The following IGSF10 variants were observed in gnomAD, a reference collection of about 807,000 sequenced individuals.
IGSF10 encodes the protein calvaria mechanical force protein 608.
Under a neutral mutation model 128.2 loss-of-function variants are expected in IGSF10, and 126 were observed. The observed-to-expected ratio is 0.98, with a 90% CI of 0.85 to 1.14. IGSF10 has a LOEUF of 1.14. IGSF10 is among the 50% of genes most tolerant of loss of function. IGSF10 has a pLI of 0.00. For missense variants in IGSF10, 3,295 were observed against 3,149.8 expected (o/e 1.05, Z -1.10); for synonymous variants, 1,185 against 1,146.2 (o/e 1.03, Z -0.68).
chr3:151,577,257 C>T, the IGSF10 span, among the ~76,000 whole-genome samples: 3 of 152,104 alleles, frequency 2.0e-5, no homozygotes, highest in South Asian at 2.1e-4. Context: ...ACAACATCCT[C>T]ATGAAAAAGA....
the IGSF10 span, among the ~76,000 whole-genome samples, chr3:151,573,133 A>G: frequency 6.6e-6 from 1 of 152,130 alleles, no homozygotes; most frequent in Non-Finnish European, 1.5e-5. Context: ...TTTGCTGAGG[A>G]GTGCCTTACT....
intron 7 of IGSF10, among the ~76,000 whole-genome samples, chr3:151,442,277 G>A (rs1156686203): frequency 6.6e-6 from 1 of 151,838 alleles, no homozygotes; most frequent in Non-Finnish European, 1.5e-5. Context: ...GGACTCAGAC[G>A]AGTAAAATAA....
the IGSF10 span, among the ~76,000 whole-genome samples, chr3:151,489,378 G>A: frequency 2.6e-5 from 4 of 152,112 alleles, no homozygotes; most frequent in East Asian, 1.9e-4. Flanking sequence ...GTTTGTAGGA[G>A]TGTAAATTAG....
the IGSF10 span, among the ~76,000 whole-genome samples, chr3:151,533,455 T>G: frequency 2.6e-5 from 4 of 152,010 alleles, no homozygotes; most frequent in Non-Finnish European, 5.9e-5. Context: ...CCAAAACAGA[T>G]ATATAGACCA....
chr3:151,490,031 A>C, the IGSF10 span, among the ~76,000 whole-genome samples: 1 of 152,116 alleles, frequency 6.6e-6, no homozygotes, highest in Non-Finnish European at 1.5e-5. Flanking sequence ...AAATGGCAGT[A>C]ATAAGTCTTT....
At chr3:151,539,822 T>TCATCTAA in the IGSF10 span, among the ~76,000 whole-genome samples, 3 of 150,186 alleles carry the variant, frequency 2.0e-5, no homozygotes, top group South Asian at 6.3e-4. Flanking sequence ...CTATCATCTA[T>TCATCTAA]CTGTATCTAT....
the IGSF10 span, among the ~76,000 whole-genome samples, chr3:151,480,550 A>T: frequency 6.6e-6 from 1 of 152,058 alleles, no homozygotes; most frequent in East Asian, 1.9e-4. Context: ...GCTCTGCACC[A>T]TCTTATAAGC....
the IGSF10 span, among the ~76,000 whole-genome samples, chr3:151,580,532 T>C: frequency 2.0e-5 from 3 of 152,228 alleles, no homozygotes; most frequent in Admixed American, 1.3e-4. Flanking sequence ...TGTTGAAGCA[T>C]TTTAATATTT....
chr3:151,517,548 T>C, the IGSF10 span, among the ~76,000 whole-genome samples: 9 of 151,894 alleles, frequency 5.9e-5, no homozygotes, highest in African/African-American at 1.9e-4. Flanking sequence ...TCAAAAGAAA[T>C]GTGTGACCAT....
chr3:151,511,218 G>C, the IGSF10 span, among the ~76,000 whole-genome samples: 4 of 152,166 alleles, frequency 2.6e-5, no homozygotes, highest in African/African-American at 9.7e-5. Context: ...CAGAGAGAAA[G>C]GTCGGGTTAC....
At chr3:151,433,836 A>G (rs1392623260), downstream of IGSF10, 1 of 152,638 alleles carries the variant, frequency 6.6e-6, no homozygotes. Flanking sequence ...TATTACTGTC[A>G]GTGTCAGTCT....
chr3:151,459,098 C>A (rs77175533), intron 2 of IGSF10, among the ~76,000 whole-genome samples: 10,156 of 152,160 alleles, frequency 0.067, 465 homozygotes, highest in Non-Finnish European at 0.11. Context: ...TTTCAAGAAA[C>A]TGATTATAAC....
At chr3:151,601,674 G>A in the IGSF10 span, among the ~76,000 whole-genome samples, 7 of 152,146 alleles carry the variant, frequency 4.6e-5, no homozygotes, top group Non-Finnish European at 7.4e-5. Flanking sequence ...GTGAGTCTGA[G>A]CTCAGCACCT....
At chr3:151,534,126 A>G in the IGSF10 span, among the ~76,000 whole-genome samples, 1 of 131,904 alleles carries the variant, frequency 7.6e-6, no homozygotes, top group East Asian at 2.4e-4. Context: ...CACATCAGTT[A>G]GAATGGCAAT....
the IGSF10 span, among the ~76,000 whole-genome samples, chr3:151,491,753 G>A: frequency 2.6e-5 from 4 of 152,006 alleles, no homozygotes; most frequent in African/African-American, 4.8e-5. Context: ...TTTCTTAAAC[G>A]CTTCCAAAAA....
the IGSF10 span, among the ~76,000 whole-genome samples, chr3:151,483,660 G>A: frequency 7.0e-4 from 107 of 152,232 alleles, no homozygotes; most frequent in South Asian, 1.0e-2. Flanking sequence ...AGCCCAAGGA[G>A]GACAACTGAA....
intron 5 of IGSF10, among the ~76,000 whole-genome samples, chr3:151,450,659 G>A (rs1721466033): frequency 6.6e-6 from 1 of 152,040 alleles, no homozygotes; most frequent in African/African-American, 2.4e-5. Flanking sequence ...CACTTTGGGA[G>A]GCCGAGGTGG....
the IGSF10 span, among the ~76,000 whole-genome samples, chr3:151,591,155 G>A: frequency 2.6e-5 from 4 of 151,658 alleles, no homozygotes; most frequent in African/African-American, 9.7e-5. Context: ...AGAACATTCG[G>A]CTAAAAGAAA....
the IGSF10 span, among the ~76,000 whole-genome samples, chr3:151,533,215 C>T: frequency 2.1e-4 from 32 of 152,138 alleles, no homozygotes; most frequent in Non-Finnish European, 2.4e-4. Flanking sequence ...GAATCAAAAT[C>T]GTGAAAATGG....
Sources: gnomAD v4.1 joint callset for allele counts (sites outside exome capture counted in the v4.1 genomes callset) on GRCh38, gnomAD v4.1.1 for gene constraint, MANE v1.5 for transcripts, NCBI Gene and HGNC (gene_info 2026-07-23, HGNC 2026-07-21) for gene names.